The following NCAM1 variants were observed in gnomAD, a reference collection of about 807,000 sequenced individuals.
NCAM1 encodes neural cell adhesion molecule 1.
NCAM1 carries 14 observed loss-of-function variants against 109.8 expected under a neutral mutation model. That is an observed-to-expected ratio of 0.13 (90% CI 0.08 to 0.20). The LOEUF is 0.20. Ranked by LOEUF, NCAM1 falls within the 10% of genes least tolerant of loss-of-function variation. The pLI is 1.00. For synonymous variants in NCAM1, 418 were observed against 442.9 expected, an observed-to-expected ratio of 0.94 and a Z score of 0.70; for missense variants, 774 against 1,109.9, an observed-to-expected ratio of 0.70 and a Z score of 4.30.
At chr11:113,056,008 TATATATATATATATATAA>T (rs1415849352) in intron 1 of NCAM1, among the ~76,000 whole-genome samples, 10 of 120,066 alleles carry the variant, frequency 8.3e-5, no homozygotes, top group African/African-American at 2.1e-4. Flanking sequence ...TATATATATA[TATATATATATATATATAA>T]AATATATATA....
At chr11:113,199,164 G>C (rs1943953769) in intron 1 of NCAM1, among the ~76,000 whole-genome samples, 1 of 152,208 alleles carries the variant, frequency 6.6e-6, no homozygotes, top group African/African-American at 2.4e-5. Flanking sequence ...CAAGAGATGG[G>C]ATACTTCGTC....
intron 1 of NCAM1, among the ~76,000 whole-genome samples, chr11:112,966,046 G>A (rs536884243): frequency 1.3e-5 from 2 of 152,186 alleles, no homozygotes; most frequent in Non-Finnish European, 2.9e-5. Flanking sequence ...CATGTTTTCT[G>A]GTGTCAAGAT....
At chr11:113,104,709 T>G (rs1469874272) in intron 1 of NCAM1, among the ~76,000 whole-genome samples, 2 of 152,160 alleles carry the variant, frequency 1.3e-5, no homozygotes, top group African/African-American at 2.4e-5. Context: ...TAATTACTGA[T>G]CTTTTGAACC....
chr11:113,193,123 T>C (rs1943736190), intron 1 of NCAM1, among the ~76,000 whole-genome samples: 3 of 152,010 alleles, frequency 2.0e-5, no homozygotes, highest in Admixed American at 6.6e-5. Context: ...ATACTTCTGA[T>C]TTTTTTTGCT....
At chr11:112,981,118 A>G (rs985738899) in intron 1 of NCAM1, among the ~76,000 whole-genome samples, 1 of 151,878 alleles carries the variant, frequency 6.6e-6, no homozygotes, top group Non-Finnish European at 1.5e-5. Context: ...TTACTACAGT[A>G]GTATCTTATG....
At chr11:113,028,836 T>A (rs1565392395) in intron 1 of NCAM1, among the ~76,000 whole-genome samples, 1 of 152,214 alleles carries the variant, frequency 6.6e-6, no homozygotes, top group Non-Finnish European at 1.5e-5. Context: ...CTTTTATTTT[T>A]CCTTTTATTC....
chr11:112,987,459 C>T (rs79353822), intron 1 of NCAM1, among the ~76,000 whole-genome samples: 6,361 of 152,086 alleles, frequency 0.042, 451 homozygotes, highest in Admixed American at 0.14. Context: ...TCTGTCTGGA[C>T]GATCTAGCCA....
intron 1 of NCAM1, among the ~76,000 whole-genome samples, chr11:113,128,026 G>A (rs1941245606): frequency 6.6e-6 from 1 of 152,184 alleles, no homozygotes; most frequent in Non-Finnish European, 1.5e-5. Flanking sequence ...AGACTGCTGG[G>A]GCCGACAGTG....
intron 1 of NCAM1, among the ~76,000 whole-genome samples, chr11:113,148,547 G>T (rs1555101816): frequency 6.6e-6 from 1 of 152,088 alleles, no homozygotes; most frequent in Non-Finnish European, 1.5e-5. Context: ...TTGAATTCCA[G>T]CCCCAAGGTG....
chr11:113,107,391 T>C (rs1234838394), intron 1 of NCAM1, among the ~76,000 whole-genome samples: 1 of 152,216 alleles, frequency 6.6e-6, no homozygotes, highest in Non-Finnish European at 1.5e-5. Context: ...TAAATGCTTT[T>C]GAGATTTAAC....
At chr11:113,139,663 T>C (rs1405275478) in intron 1 of NCAM1, among the ~76,000 whole-genome samples, 1 of 152,194 alleles carries the variant, frequency 6.6e-6, no homozygotes, top group African/African-American at 2.4e-5. Flanking sequence ...TATAGTTATT[T>C]GTAATCTTTT....
intron 1 of NCAM1, among the ~76,000 whole-genome samples, chr11:113,105,618 T>C (rs561971431): frequency 6.6e-6 from 1 of 152,330 alleles, no homozygotes; most frequent in East Asian, 1.9e-4. Context: ...TCTTGCTACA[T>C]GGATAAATGT....
At chr11:113,020,104 C>T (rs76456592) in intron 1 of NCAM1, among the ~76,000 whole-genome samples, 6,370 of 152,292 alleles carry the variant, frequency 0.042, 451 homozygotes, top group Admixed American at 0.14. Flanking sequence ...CAGTCCTCAT[C>T]CCAGTTCACT....
At chr11:113,101,716 CA>C (rs1939884399) in intron 1 of NCAM1, among the ~76,000 whole-genome samples, 1 of 152,270 alleles carries the variant, frequency 6.6e-6, no homozygotes, top group Admixed American at 6.5e-5. Flanking sequence ...TTAACACCTG[CA>C]GTGTTTACAT....
chr11:113,009,755 G>A (rs1332538707), intron 1 of NCAM1, among the ~76,000 whole-genome samples: 1 of 152,152 alleles, frequency 6.6e-6, no homozygotes, highest in Non-Finnish European at 1.5e-5. Flanking sequence ...GATGTTTTGG[G>A]ATTGTAGAAG....
intron 1 of NCAM1, among the ~76,000 whole-genome samples, chr11:113,074,567 A>G (rs1282309664): frequency 6.6e-6 from 1 of 152,208 alleles, no homozygotes; most frequent in African/African-American, 2.4e-5. Context: ...CCCTTGTCAC[A>G]TGTGGCTTTT....
chr11:113,127,794 T>C (rs1941237282), intron 1 of NCAM1, among the ~76,000 whole-genome samples: 1 of 152,130 alleles, frequency 6.6e-6, no homozygotes. Context: ...AATAGTCCGG[T>C]GGTTCTCAAT....
intron 1 of NCAM1, among the ~76,000 whole-genome samples, chr11:113,165,269 C>T (rs1313741517): frequency 6.6e-6 from 1 of 152,150 alleles, no homozygotes; most frequent in Non-Finnish European, 1.5e-5. Context: ...AAAACCACCC[C>T]ATCCACTTAG....
At chr11:113,103,481 A>C (rs1939968178) in intron 1 of NCAM1, among the ~76,000 whole-genome samples, 1 of 152,170 alleles carries the variant, frequency 6.6e-6, no homozygotes. Context: ...TTTGTCAGCA[A>C]AAACTCTCAA....
Sources: allele counts gnomAD v4.1 joint callset (sites outside exome capture counted in the v4.1 genomes callset), GRCh38; gene constraint gnomAD v4.1.1; transcripts MANE v1.5; gene names NCBI Gene and HGNC (gene_info 2026-07-23, HGNC 2026-07-21).